Variants in POU6F2 observed in about 807,000 individuals in gnomAD.
POU6F2 encodes the protein POU class 6 homeobox 2, also known as POU domain, class 6, transcription factor 2.
Under a neutral mutation model 71.3 loss-of-function variants are expected in POU6F2, and 31 were observed. The observed-to-expected ratio is 0.43, with a 90% CI of 0.33 to 0.59. POU6F2 has a LOEUF of 0.59. Among genes scored for constraint, POU6F2 ranks in the 20% least tolerant of loss-of-function variants. The pLI is 0.04. For synonymous variants in POU6F2, 347 were observed against 355.7 expected (o/e 0.98, Z 0.27); for missense variants, 783 against 856.8 (o/e 0.91, Z 1.07).
At chr7:38,979,713 G>A (rs962024747) in intron 1 of POU6F2, among the ~76,000 whole-genome samples, 15 of 152,094 alleles carry the variant, frequency 9.9e-5, no homozygotes, top group African/African-American at 2.9e-4. Context: ...AATAAAACTT[G>A]AGCCCCTGAT....
intron 2 of POU6F2, among the ~76,000 whole-genome samples, chr7:39,091,506 A>G (rs1256179426): frequency 6.6e-6 from 1 of 152,164 alleles, no homozygotes; most frequent in Admixed American, 6.5e-5. Context: ...GGTCCTAAAA[A>G]CAACAGGAAA....
In POU6F2 at chr7:39,412,149, G is replaced by A. The variant is rs74586112; in HGVS notation, c.1113+5409G>A. ...TTTCTGGGCCTCTGTTTCCTCACCAGTAAAACAGGAATGATAGGCTTCTCA... is the reference window on the plus strand; with the variant it reads ...TTTCTGGGCCTCTGTTTCCTCACCAATAAAACAGGAATGATAGGCTTCTCA... On this transcript the variant is annotated intron_variant, in intron 6 of 9. Coordinates refer to ENST00000518318, the MANE Select transcript of POU6F2 (RefSeq NM_001370959.1). 4.0e-3 allele frequency among the ~76,000 whole-genome samples: 609 copies of A among 152,324 alleles called. 7 individuals are homozygous for A. Among genetic ancestry groups the A allele is most frequent in the African/African-American group, 0.014 (576 of 41,576 alleles).
intron 6 of POU6F2, 131 bp from the exon 7 acceptor site, chr7:39,432,946 T>C: frequency 1.2e-6 from 1 of 828,956 alleles, no homozygotes; most frequent in Non-Finnish European, 1.9e-6. Context: ...CACACCCCCC[T>C]CCAGAGCTGC....
At chr7:39,183,026 C>A (rs1271007056) in intron 2 of POU6F2, among the ~76,000 whole-genome samples, 2 of 152,168 alleles carry the variant, frequency 1.3e-5, no homozygotes, top group Non-Finnish European at 2.9e-5. Context: ...CAGTTCATGG[C>A]CTGTTAGAAA....
intron 1 of POU6F2, among the ~76,000 whole-genome samples, chr7:39,011,346 C>T (rs1388018246): frequency 6.6e-6 from 1 of 151,354 alleles, no homozygotes; most frequent in African/African-American, 2.4e-5. Flanking sequence ...GGATTGCAAC[C>T]CCTGCCTTTT....
chr7:39,077,637 T>A (rs1229908435), intron 1 of POU6F2, among the ~76,000 whole-genome samples: 1 of 152,186 alleles, frequency 6.6e-6, no homozygotes, highest in Non-Finnish European at 1.5e-5. Context: ...GACACTTATC[T>A]GAGGTTCAAC....
intron 8 of POU6F2, among the ~76,000 whole-genome samples, chr7:39,452,245 C>T (rs1056341877): frequency 5.3e-5 from 8 of 152,176 alleles, no homozygotes; most frequent in African/African-American, 1.4e-4. Context: ...AATCTCTGAA[C>T]AACCATTCAT....
At chr7:39,439,014 A>G (rs1286328670) in intron 7 of POU6F2, among the ~76,000 whole-genome samples, 2 of 152,018 alleles carry the variant, frequency 1.3e-5, no homozygotes, top group East Asian at 3.9e-4. Flanking sequence ...GGTCTCTAAG[A>G]GCTTGTTTGA....
intron 1 of POU6F2, among the ~76,000 whole-genome samples, chr7:39,037,633 G>A (rs1037932416): frequency 6.6e-6 from 1 of 151,928 alleles, no homozygotes; most frequent in Non-Finnish European, 1.5e-5. Context: ...AGAGATACAG[G>A]ATCTTACTCT....
chr7:39,247,717 G>A (rs1783846019), intron 4 of POU6F2, among the ~76,000 whole-genome samples: 1 of 152,116 alleles, frequency 6.6e-6, no homozygotes, highest in African/African-American at 2.4e-5. Flanking sequence ...ACTTTCATAA[G>A]AGACCATGAA....
chr7:39,106,899 C>A (rs913664501), intron 2 of POU6F2, among the ~76,000 whole-genome samples: 5 of 152,092 alleles, frequency 3.3e-5, no homozygotes, highest in Non-Finnish European at 5.9e-5. Context: ...AATAGTATTT[C>A]TTTTACTTTG....
At chr7:39,169,759 TAATAA>T (rs1415857607) in intron 2 of POU6F2, among the ~76,000 whole-genome samples, 1 of 152,082 alleles carries the variant, frequency 6.6e-6, no homozygotes, top group Non-Finnish European at 1.5e-5. Context: ...TTGGATAAAT[TAATAA>T]AATAAGGGTT....
intron 5 of POU6F2, among the ~76,000 whole-genome samples, chr7:39,401,233 A>C (rs545930092): frequency 3.3e-5 from 5 of 152,324 alleles, no homozygotes; most frequent in African/African-American, 1.2e-4. Flanking sequence ...CCCCAGCCCC[A>C]AAAATCTCTC....
rs199551879 is a variant in POU6F2, at chr7:39,035,602, C to CG, written c.106-50253dup. Among the ~76,000 whole-genome samples, 1,495 of 152,098 alleles carry CG rather than the reference C, an allele frequency of 9.8e-3. 19 individuals carry two copies. Among genetic ancestry groups the CG allele is most frequent in the African/African-American group, 0.032 (1,326 of 41,500 alleles). Reference sequence around the variant, plus strand: ...TCCTGCGAATCAGGTTTCTAACCTACGGGGGAAAATAGCTGAATGGGATTC... The same window carrying CG: ...TCCTGCGAATCAGGTTTCTAACCTACGGGGGGAAAATAGCTGAATGGGATTC... On this transcript the variant is annotated intron_variant, in intron 1 of 9. Transcript: ENST00000518318.
chr7:39,054,761 C>G (rs187599201), intron 1 of POU6F2, among the ~76,000 whole-genome samples: 7 of 136,150 alleles, frequency 5.1e-5, no homozygotes, highest in Admixed American at 3.9e-4. Flanking sequence ...GGGAAAAGAT[C>G]AGAGCTTTTT....
intron 1 of POU6F2, among the ~76,000 whole-genome samples, chr7:39,054,199 TTC>T (rs1190303238): frequency 6.6e-6 from 1 of 152,158 alleles, no homozygotes; most frequent in African/African-American, 2.4e-5. Context: ...ACAAGGTACT[TTC>T]TGTGTCTTAC....
intron 4 of POU6F2, among the ~76,000 whole-genome samples, chr7:39,270,820 T>G (rs1784327173): frequency 6.6e-6 from 1 of 152,184 alleles, no homozygotes; most frequent in Non-Finnish European, 1.5e-5. Context: ...AAACCACCAA[T>G]ATTCTGGCCC....
chr7:39,333,181 T>G (rs180733855), intron 4 of POU6F2, among the ~76,000 whole-genome samples: 24 of 152,266 alleles, frequency 1.6e-4, no homozygotes, highest in African/African-American at 5.8e-4. Context: ...CATTCTACTT[T>G]ACATCCTTCG....
chr7:39,023,548 A>G (rs1388187901), intron 1 of POU6F2, among the ~76,000 whole-genome samples: 3 of 152,082 alleles, frequency 2.0e-5, no homozygotes, highest in Non-Finnish European at 4.4e-5. Context: ...GTCTCCCTAC[A>G]ATGTAGAATT....
Sources: allele counts gnomAD v4.1 joint callset (sites outside exome capture counted in the v4.1 genomes callset), GRCh38; gene constraint gnomAD v4.1.1; transcripts MANE v1.5; gene names NCBI Gene and HGNC (gene_info 2026-07-23, HGNC 2026-07-21).